Variants in C1QTNF7 observed in about 807,000 individuals in gnomAD.
The protein encoded by C1QTNF7 is C1q and TNF related 7, also known as complement C1q tumor necrosis factor-related protein 7.
A neutral mutation model predicts 19.6 loss-of-function variants in C1QTNF7; 15 were observed. The observed-to-expected ratio is 0.76, with a 90% CI of 0.51 to 1.18. C1QTNF7 has a LOEUF of 1.18. Ranked by LOEUF, C1QTNF7 falls within the 50% of genes most tolerant of loss-of-function variation. The probability of loss-of-function intolerance (pLI) is 0.00; values close to 1 mark genes in which losing one functional copy is unlikely to be tolerated. For synonymous variants in C1QTNF7, 142 were observed against 137.5 expected, an observed-to-expected ratio of 1.03 and a Z score of -0.23; for missense variants, 324 against 359.7, an observed-to-expected ratio of 0.90 and a Z score of 0.80.
At chr4:15,351,944 G>A (rs569943316) in intron 1 of C1QTNF7, among the ~76,000 whole-genome samples, 2 of 152,326 alleles carry the variant, frequency 1.3e-5, no homozygotes, top group East Asian at 3.9e-4. Flanking sequence ...AGGAGAAAGG[G>A]AGATAGCTTG....
At chr4:15,439,725 T>C (rs1163786450) in intron 2 of C1QTNF7, among the ~76,000 whole-genome samples, 2 of 152,104 alleles carry the variant, frequency 1.3e-5, no homozygotes, top group East Asian at 3.9e-4. Context: ...AAAAGTGCAC[T>C]ACAGGTTACT....
intron 1 of C1QTNF7, among the ~76,000 whole-genome samples, chr4:15,419,777 A>G (rs185865415): frequency 6.6e-5 from 10 of 152,246 alleles, no homozygotes; most frequent in African/African-American, 1.7e-4. Flanking sequence ...AATAGGAAAA[A>G]TATTAGAAGG....
intron 1 of C1QTNF7, among the ~76,000 whole-genome samples, chr4:15,382,782 T>G (rs946098220): frequency 6.6e-6 from 1 of 152,206 alleles, no homozygotes; most frequent in African/African-American, 2.4e-5. Flanking sequence ...CTTCACTGTT[T>G]CCCTTCCATA....
intron 1 of C1QTNF7, among the ~76,000 whole-genome samples, chr4:15,386,434 A>G (rs1718337630): frequency 6.6e-6 from 1 of 152,232 alleles, no homozygotes; most frequent in African/African-American, 2.4e-5. Flanking sequence ...GCACTCAGCA[A>G]CGAAAAGTGC....
At chr4:15,367,755 T>G (rs187281144) in intron 1 of C1QTNF7, among the ~76,000 whole-genome samples, 1 of 152,208 alleles carries the variant, frequency 6.6e-6, no homozygotes, top group Non-Finnish European at 1.5e-5. Context: ...ATTAAGATAA[T>G]GTCCAGAAGA....
At chr4:15,343,054 T>C (rs545293715) in intron 1 of C1QTNF7, among the ~76,000 whole-genome samples, 1 of 152,232 alleles carries the variant, frequency 6.6e-6, no homozygotes, top group African/African-American at 2.4e-5. Context: ...GCCTGACATA[T>C]AATGAGAGCT....
At chr4:15,388,739 C>T (rs991029055) in intron 1 of C1QTNF7, among the ~76,000 whole-genome samples, 2 of 152,106 alleles carry the variant, frequency 1.3e-5, no homozygotes, top group African/African-American at 4.8e-5. Flanking sequence ...ATGAGTCTTC[C>T]AAGTAGACAC....
chr4:15,408,627 G>T (rs1232235870), intron 1 of C1QTNF7, among the ~76,000 whole-genome samples: 1 of 152,110 alleles, frequency 6.6e-6, no homozygotes, highest in African/African-American at 2.4e-5. Context: ...TTAGAAAGCT[G>T]TCAGCTGTGG....
At position 15,383,563 on chromosome 4, in the gene C1QTNF7, A is replaced by G. The variant is rs571245322; in HGVS notation, c.13+43356A>G. Among the ~76,000 whole-genome samples, 11 of 152,332 alleles carry G rather than the reference A, an allele frequency of 7.2e-5. 1 individual carries two copies. The highest frequency in any genetic ancestry group is 5.9e-4 in the Admixed American group (9 of 15,306). On this transcript the variant is annotated intron_variant, in intron 1 of 2. Coordinates refer to the C1QTNF7 transcript ENST00000295297. Reference sequence around the variant, plus strand: ...ACACACCTTTCACTTGCAATGGCCAATCTCCAACTCCTAGCTGGCCTTAGC... The same window carrying G: ...ACACACCTTTCACTTGCAATGGCCAGTCTCCAACTCCTAGCTGGCCTTAGC...
At chr4:15,415,835 T>C (rs1719587129) in intron 1 of C1QTNF7, among the ~76,000 whole-genome samples, 1 of 152,162 alleles carries the variant, frequency 6.6e-6, no homozygotes, top group South Asian at 2.1e-4. Flanking sequence ...AGCAATATGA[T>C]AAAAAATATT....
At chr4:15,354,421 T>C (rs1020646469) in intron 1 of C1QTNF7, among the ~76,000 whole-genome samples, 1 of 152,026 alleles carries the variant, frequency 6.6e-6, no homozygotes. Flanking sequence ...AAGCTGACCA[T>C]GTGTGGGGGA....
At chr4:15,371,571 T>A (rs1415013604) in intron 1 of C1QTNF7, among the ~76,000 whole-genome samples, 1 of 152,166 alleles carries the variant, frequency 6.6e-6, no homozygotes, top group African/African-American at 2.4e-5. Flanking sequence ...ATATACCTAT[T>A]GCTATAACCA....
intron 1 of C1QTNF7, among the ~76,000 whole-genome samples, chr4:15,357,308 T>G (rs1310054724): frequency 6.6e-6 from 1 of 152,238 alleles, no homozygotes; most frequent in East Asian, 1.9e-4. Flanking sequence ...TTCAGTTTTC[T>G]GCATATGGCT....
intron 1 of C1QTNF7, among the ~76,000 whole-genome samples, chr4:15,409,465 G>A (rs576778980): frequency 6.6e-6 from 1 of 152,180 alleles, no homozygotes; most frequent in Non-Finnish European, 1.5e-5. Context: ...GACAAACTGG[G>A]GATGAAAGAT....
intron 1 of C1QTNF7, chr4:15,374,881 A>G (rs1261828330): frequency 7.0e-6 from 3 of 428,576 alleles, no homozygotes; most frequent in East Asian, 1.9e-4. Context: ...CTTTTTTTTT[A>G]TGATGTTCAG....
chr4:15,416,376 G>C (rs1411868010), intron 1 of C1QTNF7, among the ~76,000 whole-genome samples: 3 of 152,190 alleles, frequency 2.0e-5, no homozygotes, highest in East Asian at 1.9e-4. Context: ...TGGAATACCA[G>C]CTCGGTTCAA....
chr4:15,415,463 C>G (rs1484255585), intron 1 of C1QTNF7, among the ~76,000 whole-genome samples: 1 of 152,040 alleles, frequency 6.6e-6, no homozygotes, highest in African/African-American at 2.4e-5. Flanking sequence ...TGACTTGTTT[C>G]TAAGACCAAA....
chr4:15,421,558 A>G (rs1193486210), intron 1 of C1QTNF7, among the ~76,000 whole-genome samples: 1 of 138,222 alleles, frequency 7.2e-6, no homozygotes, highest in African/African-American at 2.5e-5. Context: ...GATTATTTCA[A>G]TTAATTTTTA....
intron 1 of C1QTNF7, among the ~76,000 whole-genome samples, chr4:15,356,199 C>A (rs1420436068): frequency 6.6e-6 from 1 of 152,050 alleles, no homozygotes; most frequent in Non-Finnish European, 1.5e-5. Context: ...TTGCTGCACT[C>A]ATCAACCCGT....
Sources: allele counts gnomAD v4.1 joint callset (sites outside exome capture counted in the v4.1 genomes callset), GRCh38; gene constraint gnomAD v4.1.1; transcripts MANE v1.5; gene names NCBI Gene and HGNC (gene_info 2026-07-23, HGNC 2026-07-21).